EIF2AK2: variants seen among roughly 807,000 people sequenced by gnomAD.
EIF2AK2 encodes eukaryotic translation initiation factor 2 alpha kinase 2.
In EIF2AK2, 40 loss-of-function variants were observed where a neutral mutation model predicts 70.5. The ratio of observed to expected loss-of-function variants is 0.57; its 90% CI spans 0.44 to 0.74. The LOEUF is 0.74. Among genes scored for constraint, EIF2AK2 ranks in the 30% least tolerant of loss-of-function variants. EIF2AK2 has a pLI of 0.00. For missense variants in EIF2AK2, 555 were observed against 644.3 expected (o/e 0.86, Z 1.50); for synonymous variants, 198 against 220.9 (o/e 0.90, Z 0.92).
At chr2:37,153,343 T>C (rs1163752531) in intron 1 of EIF2AK2, among the ~76,000 whole-genome samples, 8 of 143,492 alleles carry the variant, frequency 5.6e-5, no homozygotes, top group Admixed American at 1.4e-4. Flanking sequence ...TAATCTTTTT[T>C]TTTTTTTTTT....
intron 10 of EIF2AK2, among the ~76,000 whole-genome samples, chr2:37,133,390 G>C (rs566940916): frequency 1.3e-5 from 2 of 152,158 alleles, no homozygotes; most frequent in African/African-American, 4.8e-5. Context: ...TTTCATTTGG[G>C]AATATGCTGA....
At chr2:37,142,130 A>G (rs12996067) in intron 4 of EIF2AK2, among the ~76,000 whole-genome samples, 46,539 of 151,620 alleles carry the variant, frequency 0.31, 8,137 homozygotes, top group Non-Finnish European at 0.39. Flanking sequence ...CAAAGTTTTG[A>G]TATTTTTTTA....
At chr2:37,149,545 C>A (rs1161457214) in intron 1 of EIF2AK2, among the ~76,000 whole-genome samples, 1 of 132,588 alleles carries the variant, frequency 7.5e-6, no homozygotes, top group Non-Finnish European at 1.7e-5. Context: ...GTAGGCAGGT[C>A]CTCAATGTGC....
chr2:37,102,721 G>A lies in EIF2AK2; in HGVS notation c.*4552C>T, dbSNP rs1356611661. ...CACCCCACACCTAATTTTTGAACGA[G>A]GGCCGTACAGTTTCATTTTGCCCTT... On this transcript the variant is annotated 3_prime_UTR_variant, in exon 17 of 17. Coordinates refer to ENST00000233057, the MANE Select transcript of EIF2AK2 (RefSeq NM_001135651.3). 11 of 152,112 alleles carry A rather than the reference G, an allele frequency of 7.2e-5. No individual in the cohort carries two copies. Among genetic ancestry groups the A allele is most frequent in the Admixed American group, 6.5e-4 (10 of 15,270 alleles). 9.4% of individuals were successfully genotyped at this position (152,112 alleles called of 1,614,324 possible).
intron 12 of EIF2AK2, among the ~76,000 whole-genome samples, chr2:37,122,203 G>A (rs552855428): frequency 1.3e-5 from 2 of 152,262 alleles, no homozygotes; most frequent in South Asian, 2.1e-4. Flanking sequence ...AACAGCCTGC[G>A]CTGAAGCCGG....
At chr2:37,113,513 A>G (rs1674230806) in intron 14 of EIF2AK2, among the ~76,000 whole-genome samples, 1 of 151,278 alleles carries the variant, frequency 6.6e-6, no homozygotes, top group African/African-American at 2.4e-5. Context: ...AAAAAAAAAA[A>G]AAAAAAAAGC....
At chr2:37,148,589 T>C (rs1200807402) in intron 2 of EIF2AK2, 2 of 817,402 alleles carry the variant, frequency 2.4e-6, no homozygotes, top group African/African-American at 1.7e-5. Context: ...TAAAACCTAC[T>C]ATACTTGTCA....
chr2:37,135,623 T>G (rs1325390837), intron 9 of EIF2AK2, 77 bp from the exon 10 acceptor site: 1 of 1,336,228 alleles, frequency 7.5e-7, no homozygotes, highest in Non-Finnish European at 1.0e-6. Flanking sequence ...AATGTTAACC[T>G]TTTTCTTTCT....
At chr2:37,109,915 T>C (rs1192484804) in intron 14 of EIF2AK2, among the ~76,000 whole-genome samples, 1 of 152,112 alleles carries the variant, frequency 6.6e-6, no homozygotes, top group African/African-American at 2.4e-5. Flanking sequence ...TTCTGATCAG[T>C]GGGGAGGAGG....
In EIF2AK2 at chr2:37,122,604, G is replaced by T; in HGVS notation, c.969C>A (p.Tyr323Ter). The change falls in exon 12 of 17, where the codon TAC becomes TAA. Residue 323 changes from tyrosine (Y) to a stop codon, truncating the protein, a stop_gained. Transcript: ENST00000233057. LOFTEE classifies it high-confidence loss of function. ...AKLDHVNIVH[Y>*]NGCWDGFDYD... ...AATCAAATCCATCCCAACAGCCATT[G>T]TAGTGAACAATATTTACATGATCAA... is the stretch of plus-strand genomic sequence containing the variant. The T allele has an allele frequency of 6.2e-7, 1 of 1,614,162 alleles. No homozygotes were observed. Among genetic ancestry groups the T allele is most frequent in the Non-Finnish European group, 8.5e-7 (1 of 1,180,034 alleles).
rs1674595893 is a variant in EIF2AK2 at position 37,122,601 on chromosome 2, A to T, written c.972T>A (p.Asn324Lys). ...CATAATCAAATCCATCCCAACAGCC[A>T]TTGTAGTGAACAATATTTACATGAT... ...KLDHVNIVHY[N>K]GCWDGFDYDP... The change falls in exon 12 of 17, where the codon AAT (asparagine) becomes AAA (lysine). Residue 324 changes from asparagine (N) to lysine (K), a missense_variant. Transcript: ENST00000233057. The T allele has an allele frequency of 2.0e-5, 33 of 1,614,188 alleles. No individual in the cohort carries two copies. The highest frequency in any genetic ancestry group is 2.8e-5 in the Non-Finnish European group (33 of 1,180,048).
chr2:37,139,541 G>A, intron 6 of EIF2AK2, 90 bp downstream of exon 6: 1 of 1,520,340 alleles, frequency 6.6e-7, no homozygotes, highest in African/African-American at 1.4e-5. Flanking sequence ...ATCACTGGCT[G>A]TCTTGGCATA....
In EIF2AK2 at chr2:37,108,875, G is replaced by A. The variant is rs183258319; in HGVS notation, c.1479+319C>T. Among the ~76,000 whole-genome samples, 15 of 152,152 alleles carry A rather than the reference G, an allele frequency of 9.9e-5. No homozygotes were observed. The East Asian group carries it at 1.2e-3, about 12-fold the overall frequency. On this transcript the variant is annotated intron_variant, in intron 15 of 16. Transcript: ENST00000233057. ...GAGCCACCGCGCCCAGCCAAGGCTT[G>A]TTTATTTTTGCAACCCTTACAGCAC...
At chr2:37,111,861 CAA>C (rs1196685884) in intron 14 of EIF2AK2, among the ~76,000 whole-genome samples, 141 of 32,058 alleles carry the variant, frequency 4.4e-3, no homozygotes, top group South Asian at 0.016. Context: ...GACCCTGTCT[CAA>C]AAAAAAAAAA....
chr2:37,144,854 C>T (rs1675470990), intron 4 of EIF2AK2, among the ~76,000 whole-genome samples: 1 of 151,732 alleles, frequency 6.6e-6, no homozygotes, highest in African/African-American at 2.4e-5. Flanking sequence ...AGTGCTGGGA[C>T]TACAGGCATG....
rs536672777 is a variant in EIF2AK2, at chr2:37,137,669, C to T, written c.687+601G>A. 7.2e-5 allele frequency among the ~76,000 whole-genome samples: 11 copies of T among 152,018 alleles called. No individual in the cohort carries two copies. The South Asian group carries it at 1.2e-3, about 17-fold the overall frequency. ...TAATTCTAATTTTTAAAAACAGAAA[C>T]GAACTATATTAGTGAATCTTTAAAT... is the stretch of plus-strand genomic sequence containing the variant. On this transcript the variant is annotated intron_variant, in intron 8 of 16. Coordinates refer to ENST00000233057, the MANE Select transcript of EIF2AK2 (RefSeq NM_001135651.3).
intron 10 of EIF2AK2, among the ~76,000 whole-genome samples, chr2:37,132,034 G>T (rs1441084170): frequency 2.6e-5 from 4 of 152,182 alleles, no homozygotes; most frequent in African/African-American, 9.6e-5. Flanking sequence ...TCTACTAAAG[G>T]CAGCTCTACT....
At position 37,137,981 on chromosome 2, in the gene EIF2AK2, G is replaced by A. The variant is rs186594793; in HGVS notation, c.687+289C>T. Among the ~76,000 whole-genome samples the A allele has an allele frequency of 3.6e-4, 54 of 151,888 alleles. No individual in the cohort carries two copies. The East Asian group carries it at 3.9e-3, about 11-fold the overall frequency. On this transcript the variant is annotated intron_variant, in intron 8 of 16. Transcript: ENST00000233057. Reference sequence around the variant, plus strand: ...CAAAAATTAGCCAGGTGTGGTACACGCGCATGTAATCCCAGCTACTCAGGA... The same window carrying A: ...CAAAAATTAGCCAGGTGTGGTACACACGCATGTAATCCCAGCTACTCAGGA...
chr2:37,112,370 T>C lies in EIF2AK2; in HGVS notation c.1377+2361A>G, dbSNP rs528869433. On this transcript the variant is annotated intron_variant, in intron 14 of 16. Coordinates refer to ENST00000233057, the MANE Select transcript of EIF2AK2 (RefSeq NM_001135651.3). ...GCATAGTCTGGCAAAAGCTGACTGA[T>C]GGAGGACTCGAATAAGTGAGAGAAA... 7.2e-5 allele frequency among the ~76,000 whole-genome samples: 11 copies of C among 152,320 alleles called. No individual in the cohort carries two copies. The South Asian group carries it at 1.9e-3, about 26-fold the overall frequency.
Sources: allele counts gnomAD v4.1 joint callset (sites outside exome capture counted in the v4.1 genomes callset), GRCh38; gene constraint gnomAD v4.1.1; transcripts MANE v1.5; gene names NCBI Gene and HGNC (gene_info 2026-07-23, HGNC 2026-07-21).